The following KLRG1 variants were observed in gnomAD, a reference collection of about 807,000 sequenced individuals.
KLRG1 encodes killer cell lectin-like receptor subfamily G member 1.
KLRG1 carries 16 observed loss-of-function variants against 21.8 expected under a neutral mutation model. The observed-to-expected ratio is 0.73, with a 90% confidence interval of 0.50 to 1.11. The LOEUF (loss-of-function observed/expected upper bound fraction) is 1.11. Ranked by LOEUF, KLRG1 falls within the 50% of genes most tolerant of loss-of-function variation. The pLI is 0.00. For synonymous variants in KLRG1, 69 were observed against 75.9 expected, an observed-to-expected ratio of 0.91 and a Z score of 0.47; for missense variants, 173 against 218.3, an observed-to-expected ratio of 0.79 and a Z score of 1.31.
At chr12:9,079,920 GA>G in the KLRG1 span, 1 of 1,184,586 alleles carries the variant, frequency 8.4e-7, no homozygotes, top group Non-Finnish European at 1.1e-6. Context: ...GAATTTTTAG[GA>G]AGGATGATTC....
At chr12:9,027,922 A>C in the KLRG1 span, 1 of 878,926 alleles carries the variant, frequency 1.1e-6, no homozygotes, top group South Asian at 1.3e-5. Context: ...TGGCTAGATG[A>C]AGCGCTAGCT....
At chr12:9,089,624 C>T in the KLRG1 span, among the ~76,000 whole-genome samples, 3 of 152,012 alleles carry the variant, frequency 2.0e-5, no homozygotes, top group Non-Finnish European at 4.4e-5. Context: ...ACCTGTAATC[C>T]CAGCTACTCA....
intron 3 of KLRG1, among the ~76,000 whole-genome samples, chr12:8,997,783 A>G (rs1340344259): frequency 6.6e-6 from 1 of 151,776 alleles, no homozygotes; most frequent in Admixed American, 6.6e-5. Flanking sequence ...TATGTATAGT[A>G]TTCTTTTTTT....
the KLRG1 span, chr12:9,157,889 A>G: frequency 5.7e-5 from 84 of 1,470,862 alleles, no homozygotes; most frequent in Non-Finnish European, 7.4e-5. Context: ...AAGTGTTAGT[A>G]TATTCTCTTC....
the KLRG1 span, among the ~76,000 whole-genome samples, chr12:9,180,670 A>C: frequency 3.3e-5 from 5 of 152,338 alleles, no homozygotes; most frequent in East Asian, 9.6e-4. Flanking sequence ...TAAAGACTTA[A>C]ATGTTAGACC....
chr12:9,070,982 G>A, the KLRG1 span, among the ~76,000 whole-genome samples: 5 of 152,034 alleles, frequency 3.3e-5, no homozygotes, highest in African/African-American at 4.8e-5. Flanking sequence ...CACCACGTCC[G>A]ACTAATTTTG....
At chr12:9,125,188 CA>C in the KLRG1 span, among the ~76,000 whole-genome samples, 2 of 152,250 alleles carry the variant, frequency 1.3e-5, no homozygotes, top group Admixed American at 1.3e-4. Flanking sequence ...CTGCTGAGAG[CA>C]GTAGATGTTG....
At chr12:9,206,246 G>GTA in the KLRG1 span, among the ~76,000 whole-genome samples, 8 of 150,910 alleles carry the variant, frequency 5.3e-5, no homozygotes, top group South Asian at 2.1e-4. Flanking sequence ...TAATAAGAAG[G>GTA]TATATATATA....
intron 1 of KLRG1, among the ~76,000 whole-genome samples, chr12:8,977,443 T>C (rs1247718465): frequency 6.8e-6 from 1 of 148,090 alleles, no homozygotes; most frequent in East Asian, 2.1e-4. Context: ...CTCGATCTCC[T>C]GACCTTGTGA....
chr12:9,078,110 C>T, the KLRG1 span, among the ~76,000 whole-genome samples: 59,908 of 151,958 alleles, frequency 0.39, 12,880 homozygotes, highest in African/African-American at 0.55. Context: ...ATGTGCAGAA[C>T]GTGCAGGTTT....
chr12:8,999,846 C>T (rs1460796991), intron 3 of KLRG1, among the ~76,000 whole-genome samples: 3 of 152,088 alleles, frequency 2.0e-5, no homozygotes, highest in Non-Finnish European at 4.4e-5. Context: ...CAAGACCTGG[C>T]CAACATAGTG....
At chr12:9,201,003 T>C in the KLRG1 span, 13 of 1,614,012 alleles carry the variant, frequency 8.1e-6, no homozygotes, top group South Asian at 1.4e-4. Context: ...GACAACTGAT[T>C]GATGCCAGCT....
chr12:9,167,357 C>G, the KLRG1 span: 1 of 152,160 alleles, frequency 6.6e-6, no homozygotes, highest in Non-Finnish European at 1.5e-5. Flanking sequence ...TCCACGTGTC[C>G]TTTCATAGTC....
At chr12:8,968,307 C>T (rs4882972) in intron 1 of KLRG1, among the ~76,000 whole-genome samples, 11,009 of 151,908 alleles carry the variant, frequency 0.072, 686 homozygotes, top group African/African-American at 0.17. Context: ...GAGTGCCTAT[C>T]TTAATCAGAC....
chr12:9,208,524 C>T, the KLRG1 span, among the ~76,000 whole-genome samples: 1 of 152,178 alleles, frequency 6.6e-6, no homozygotes, highest in South Asian at 2.1e-4. Context: ...CAGTGGTTGC[C>T]TCATTTTTCT....
At chr12:9,136,171 G>T in the KLRG1 span, among the ~76,000 whole-genome samples, 1 of 152,160 alleles carries the variant, frequency 6.6e-6, no homozygotes, top group African/African-American at 2.4e-5. Flanking sequence ...CATGGCAACG[G>T]GTTTTTAAAA....
At chr12:9,021,758 C>T in the KLRG1 span, among the ~76,000 whole-genome samples, 5 of 152,088 alleles carry the variant, frequency 3.3e-5, no homozygotes, top group Non-Finnish European at 7.4e-5. Context: ...TACACAGGGT[C>T]AGGATCATCA....
At chr12:9,039,903 A>G in the KLRG1 span, among the ~76,000 whole-genome samples, 1 of 152,248 alleles carries the variant, frequency 6.6e-6, no homozygotes. Context: ...ATGCCTGCGC[A>G]ATGCATTCAG....
At chr12:9,104,937 C>T in the KLRG1 span, among the ~76,000 whole-genome samples, 4 of 152,168 alleles carry the variant, frequency 2.6e-5, no homozygotes, top group East Asian at 7.7e-4. Context: ...CTGTGTGTTT[C>T]TCCAGTTGCC....
Sources: gnomAD v4.1 joint callset for allele counts (sites outside exome capture counted in the v4.1 genomes callset) on GRCh38, gnomAD v4.1.1 for gene constraint, MANE v1.5 for transcripts, NCBI Gene and HGNC (gene_info 2026-07-23, HGNC 2026-07-21) for gene names.